DLG2: variants seen among roughly 807,000 people sequenced by gnomAD.
The protein encoded by DLG2 is discs large MAGUK scaffold protein 2.
Under a neutral mutation model 132.5 loss-of-function variants are expected in DLG2, and 45 were observed. The ratio of observed to expected loss-of-function variants is 0.34; its 90% CI spans 0.27 to 0.44. DLG2 has a LOEUF of 0.44. Ranked by LOEUF, DLG2 falls within the 20% of genes least tolerant of loss-of-function variation. The pLI is 1.00. For synonymous variants in DLG2, 424 were observed against 419.6 expected, an observed-to-expected ratio of 1.01 and a Z score of -0.13; for missense variants, 1,045 against 1,196.9, an observed-to-expected ratio of 0.87 and a Z score of 1.87.
intron 19 of DLG2, among the ~76,000 whole-genome samples, chr11:83,600,334 A>G (rs1401341481): frequency 6.6e-6 from 1 of 151,170 alleles, no homozygotes; most frequent in African/African-American, 2.4e-5. Context: ...TCCTGTTCCT[A>G]TTGGAACCAG....
intron 7 of DLG2, among the ~76,000 whole-genome samples, chr11:84,424,168 T>G (rs2098959321): frequency 6.6e-6 from 1 of 152,108 alleles, no homozygotes; most frequent in South Asian, 2.1e-4. Flanking sequence ...AATCCTAGTA[T>G]CTCTGGTAAG....
intron 3 of DLG2, among the ~76,000 whole-genome samples, chr11:85,410,702 T>C (rs967443444): frequency 1.3e-5 from 2 of 151,790 alleles, no homozygotes; most frequent in Non-Finnish European, 2.9e-5. Context: ...TTTAAGAAAA[T>C]ATGGTCTCAG....
intron 6 of DLG2, among the ~76,000 whole-genome samples, chr11:84,575,368 CTCAACTGTTCTTT>C (rs1258261763): frequency 6.6e-6 from 1 of 152,082 alleles, no homozygotes; most frequent in Non-Finnish European, 1.5e-5. Context: ...CCACCCCTCC[CTCAACTGTTCTTT>C]TCTTAGTTAC....
chr11:85,578,605 C>T (rs566131280), intron 3 of DLG2, among the ~76,000 whole-genome samples: 2 of 152,220 alleles, frequency 1.3e-5, no homozygotes, highest in African/African-American at 2.4e-5. Context: ...AGAAAACATA[C>T]ATATGCCAAC....
Position 84,244,513 on chromosome 11 carries a change from T to C in DLG2, c.573+6725A>G, listed in dbSNP as rs181552659. 1.1e-4 allele frequency among the ~76,000 whole-genome samples: 16 copies of C among 152,044 alleles called. No homozygotes were observed. In the South Asian group the frequency reaches 1.5e-3, roughly 14 times the overall value. ...AAGCAAAGCAACAAGCAGTTAAGAG[T>C]AGGGATTCTGCTGATTGTGGCAGTT... On this transcript the variant is annotated intron_variant, in intron 8 of 27. Coordinates refer to ENST00000376104, the MANE Select transcript of DLG2 (RefSeq NM_001142699.3).
intron 7 of DLG2, among the ~76,000 whole-genome samples, chr11:84,459,496 A>C (rs2099074477): frequency 6.6e-6 from 1 of 150,684 alleles, no homozygotes; most frequent in Admixed American, 6.6e-5. Context: ...GTATGTACTT[A>C]TGGGGTACAT....
At chr11:85,295,213 A>G (rs1033850399) in intron 3 of DLG2, among the ~76,000 whole-genome samples, 3 of 152,140 alleles carry the variant, frequency 2.0e-5, no homozygotes, top group Non-Finnish European at 4.4e-5. Context: ...TTTACCATGT[A>G]AATTCTACAA....
intron 4 of DLG2, among the ~76,000 whole-genome samples, chr11:85,277,867 C>T (rs1455195286): frequency 6.6e-6 from 1 of 152,190 alleles, no homozygotes; most frequent in East Asian, 1.9e-4. Context: ...TAATTGGTCT[C>T]CCTGTCACCG....
chr11:84,478,419 G>A (rs964599378), intron 7 of DLG2, among the ~76,000 whole-genome samples: 20 of 151,982 alleles, frequency 1.3e-4, no homozygotes, highest in African/African-American at 4.3e-4. Flanking sequence ...TAATTAAAAT[G>A]TATCCATCAA....
chr11:83,527,774 ACT>A (rs2095644743), intron 21 of DLG2, among the ~76,000 whole-genome samples: 2 of 152,018 alleles, frequency 1.3e-5, no homozygotes, highest in Non-Finnish European at 2.9e-5. Context: ...GCTCTCTCAT[ACT>A]CTCTCTTACA....
rs73514907 is a variant in DLG2, at chr11:84,767,446, T to G, written c.358-232715A>C. ...TAATTTCTTCATTTTTACAACTATA[T>G]AGGATTGCTATGGGGATTTAAAAGA... On this transcript the variant is annotated intron_variant, in intron 6 of 27. Transcript: ENST00000376104. Among the ~76,000 whole-genome samples, 825 of 152,144 alleles carry G rather than the reference T, an allele frequency of 5.4e-3. 9 individuals carry two copies. Among genetic ancestry groups the G allele is most frequent in the African/African-American group, 0.019 (796 of 41,534 alleles).
intron 4 of DLG2, among the ~76,000 whole-genome samples, chr11:85,247,524 T>C (rs560695623): frequency 6.6e-6 from 1 of 152,170 alleles, no homozygotes; most frequent in African/African-American, 2.4e-5. Context: ...TTCATCACTA[T>C]GTGTTTCATT....
intron 3 of DLG2, among the ~76,000 whole-genome samples, chr11:85,535,305 G>A (rs1387543608): frequency 3.9e-5 from 6 of 151,954 alleles, no homozygotes; most frequent in Non-Finnish European, 7.4e-5. Flanking sequence ...TTACAGTATT[G>A]CTAGTACCAT....
At chr11:83,549,746 A>G (rs745914606) in intron 19 of DLG2, among the ~76,000 whole-genome samples, 2 of 152,072 alleles carry the variant, frequency 1.3e-5, no homozygotes, top group Non-Finnish European at 2.9e-5. Context: ...TCATTCGTCC[A>G]CTCGTGCATT....
At chr11:85,098,221 T>C (rs889900625) in intron 6 of DLG2, among the ~76,000 whole-genome samples, 2 of 152,154 alleles carry the variant, frequency 1.3e-5, no homozygotes, top group Non-Finnish European at 2.9e-5. Flanking sequence ...GACTTCAAAG[T>C]CCATGCTCTT....
intron 6 of DLG2, among the ~76,000 whole-genome samples, chr11:84,740,402 C>T (rs1274529762): frequency 2.6e-5 from 4 of 152,178 alleles, no homozygotes; most frequent in Admixed American, 1.3e-4. Context: ...ACAGTTCTTC[C>T]AAGCCCTGAG....
At chr11:84,993,080 G>A (rs995665839) in intron 6 of DLG2, among the ~76,000 whole-genome samples, 1 of 152,180 alleles carries the variant, frequency 6.6e-6, no homozygotes, top group African/African-American at 2.4e-5. Flanking sequence ...ATATACCATG[G>A]AATACTATGC....
intron 7 of DLG2, among the ~76,000 whole-genome samples, chr11:84,372,352 A>T (rs1233596946): frequency 6.6e-6 from 1 of 152,170 alleles, no homozygotes; most frequent in Non-Finnish European, 1.5e-5. Context: ...GAAAGACTTA[A>T]ATTGGACCTC....
At chr11:83,786,927 G>A in intron 17 of DLG2, 135 bp from the exon 18 acceptor site, 1 of 640,486 alleles carries the variant, frequency 1.6e-6, no homozygotes. Flanking sequence ...CTACTCAGGT[G>A]TTTGTGGACT....
Sources: gnomAD v4.1 joint callset for allele counts (sites outside exome capture counted in the v4.1 genomes callset) on GRCh38, gnomAD v4.1.1 for gene constraint, MANE v1.5 for transcripts, NCBI Gene and HGNC (gene_info 2026-07-23, HGNC 2026-07-21) for gene names.